Variants in PLCE1 observed in about 807,000 individuals in gnomAD.
PLCE1 encodes 1-phosphatidylinositol 4,5-bisphosphate phosphodiesterase epsilon-1.
Under a neutral mutation model 242.8 loss-of-function variants are expected in PLCE1, and 119 were observed. That is an observed-to-expected ratio of 0.49 (90% confidence interval 0.42 to 0.57). The LOEUF (loss-of-function observed/expected upper bound fraction) is 0.57, where lower values mean the gene tolerates loss of function less well. Among genes scored for constraint, PLCE1 ranks in the 20% least tolerant of loss-of-function variants. PLCE1 has a pLI of 0.00. For synonymous variants in PLCE1, 945 were observed against 1,017.4 expected, an observed-to-expected ratio of 0.93 and a Z score of 1.35; for missense variants, 2,441 against 2,788.8, an observed-to-expected ratio of 0.88 and a Z score of 2.81.
chr10:94,317,068 T>C (rs1001664703), intron 29 of PLCE1, among the ~76,000 whole-genome samples: 1 of 152,154 alleles, frequency 6.6e-6, no homozygotes, highest in Non-Finnish European at 1.5e-5. Flanking sequence ...CTGGCCAACA[T>C]GGCGAAACCC....
rs1017913000 is a variant in PLCE1, at chr10:94,328,921, T to C, written c.*978T>C. ...ATTTAATATCTACTGAATTGCAATG[T>C]CTTAACAAGAAACCTAACAATTTTT... is the stretch of plus-strand genomic sequence containing the variant. On this transcript the variant is annotated 3_prime_UTR_variant, in exon 33 of 33. Transcript: ENST00000371380. 6.6e-6 allele frequency: 1 copy of C among 152,210 alleles called. No homozygotes were observed. The highest frequency in any genetic ancestry group is 2.4e-5 in the African/African-American group (1 of 41,440). 9.4% of individuals were successfully genotyped at this position (152,210 alleles called of 1,614,324 possible).
At chr10:94,324,282 A>C in intron 30 of PLCE1, 67 bp from the exon 31 acceptor site, 1 of 1,277,174 alleles carries the variant, frequency 7.8e-7, no homozygotes, top group Non-Finnish European at 1.1e-6. Flanking sequence ...TTAAAGTTTC[A>C]TATAGAATGA....
In PLCE1 at chr10:94,328,600, A is replaced by G. The variant is rs2054114566; in HGVS notation, c.*657A>G. On this transcript the variant is annotated 3_prime_UTR_variant, in exon 33 of 33. Transcript: ENST00000371380. ...CACAAAGATCTGAAAACAGGAAAGG[A>G]AGTTTAGCCATACATTTTATGGCCG... The G allele has an allele frequency of 6.6e-6, 1 of 152,312 alleles. No homozygotes were observed. The highest frequency in any genetic ancestry group is 6.5e-5 in the Admixed American group (1 of 15,298). 9.4% of individuals were successfully genotyped at this position (152,312 alleles called of 1,614,324 possible). A position where few individuals can be genotyped will look rare whatever the true frequency, so the allele number is the denominator to read the frequency against.
intron 25 of PLCE1, among the ~76,000 whole-genome samples, chr10:94,305,545 A>T (rs2133625092): frequency 6.6e-6 from 1 of 152,226 alleles, no homozygotes; most frequent in East Asian, 1.9e-4. Context: ...GACACCCCCA[A>T]ACCCCTGGGA....
chr10:94,109,851 TG>T (rs2045887618), intron 2 of PLCE1, among the ~76,000 whole-genome samples: 3 of 150,692 alleles, frequency 2.0e-5, no homozygotes, highest in South Asian at 2.1e-4. Flanking sequence ...AGCTCTGGGA[TG>T]TTTTTTTTTT....
chr10:94,254,352 T>G, intron 10 of PLCE1, 45 bp downstream of exon 10: 1 of 1,331,298 alleles, frequency 7.5e-7, no homozygotes, highest in Non-Finnish European at 1.1e-6. Context: ...TTTTAATTTT[T>G]GTGGGAAAAA....
chr10:94,263,715 G>T lies in PLCE1; in HGVS notation c.4053+983G>T, dbSNP rs578176377. On this transcript the variant is annotated intron_variant, in intron 14 of 32. Coordinates refer to ENST00000371380, the MANE Select transcript of PLCE1 (RefSeq NM_016341.4). ...TCTCAAAAAAACAAACAAAAAACAA[G>T]TATGTAAGTGTTCTTCTTTAACATA... Among the ~76,000 whole-genome samples the T allele has an allele frequency of 5.9e-5, 9 of 151,860 alleles. No individual in the cohort carries two copies. The South Asian group carries it at 1.9e-3, about 32-fold the overall frequency.
At chr10:94,233,002 A>G (rs2050195693) in intron 5 of PLCE1, among the ~76,000 whole-genome samples, 1 of 152,224 alleles carries the variant, frequency 6.6e-6, no homozygotes, top group Non-Finnish European at 1.5e-5. Context: ...TCTCACAGAA[A>G]GGTGAGCTCT....
At chr10:94,238,395 G>C (rs1037404935) in intron 7 of PLCE1, among the ~76,000 whole-genome samples, 1 of 152,208 alleles carries the variant, frequency 6.6e-6, no homozygotes, top group Non-Finnish European at 1.5e-5. Flanking sequence ...AGCTGAAGTC[G>C]CTTGTCTGAC....
chr10:94,313,426 T>G (rs767194100), intron 28 of PLCE1, 44 bp downstream of exon 28: 3 of 1,607,874 alleles, frequency 1.9e-6, no homozygotes, highest in Non-Finnish European at 2.6e-6. Flanking sequence ...AAATCTAAGA[T>G]GTATGGATGT....
At chr10:94,227,242 T>C in intron 4 of PLCE1, 64 bp from the exon 5 acceptor site, 1 of 1,500,122 alleles carries the variant, frequency 6.7e-7, no homozygotes, top group East Asian at 2.3e-5. Context: ...AGAATGCTTT[T>C]GGAAAAAAAA....
rs975453016 is a variant in PLCE1 at position 94,259,055 on chromosome 10, A to G, written c.3719A>G (p.Tyr1240Cys). ...GACCTGAAGGATCTGTTTGATGTCT[A>G]TGCAGTGCCCTGCAACCGATCTGGC... ...RKDLKDLFDVYAVPCNRSGSE... is the reference protein window; with the variant it reads ...RKDLKDLFDVCAVPCNRSGSE... Residue 1240 changes from tyrosine (Y) to cysteine (C), a missense_variant, in exon 13 of 33, where the codon TAT becomes TGT. By Grantham distance (194) the Tyr-to-Cys change is radical. This residue lies in a region of PLCE1 where 1,004 missense variants were observed against 1,322.7 expected (regional missense o/e 0.76). Coordinates refer to ENST00000371380, the MANE Select transcript of PLCE1 (RefSeq NM_016341.4). 10 of 1,613,932 alleles carry G rather than the reference A, an allele frequency of 6.2e-6. No homozygotes were observed. The highest frequency in any genetic ancestry group is 1.1e-5 in the South Asian group (1 of 91,088).
intron 3 of PLCE1, among the ~76,000 whole-genome samples, chr10:94,152,720 A>G (rs926397857): frequency 2.0e-5 from 3 of 152,236 alleles, no homozygotes; most frequent in Non-Finnish European, 4.4e-5. Flanking sequence ...ATATGCTTAG[A>G]TAGCTAAGCA....
intron 3 of PLCE1, among the ~76,000 whole-genome samples, chr10:94,155,411 T>G (rs2047401115): frequency 6.6e-6 from 1 of 152,176 alleles, no homozygotes; most frequent in Admixed American, 6.5e-5. Context: ...TCCCATTATA[T>G]GAAATGTCCA....
intron 11 of PLCE1, among the ~76,000 whole-genome samples, chr10:94,255,954 T>TCC (rs2051075090): frequency 8.1e-6 from 1 of 122,866 alleles, no homozygotes; most frequent in Non-Finnish European, 1.8e-5. Flanking sequence ...TCTCTCTCTC[T>TCC]CTCCCCACCC....
chr10:94,163,573 T>C (rs2047690878), intron 3 of PLCE1, among the ~76,000 whole-genome samples: 1 of 152,140 alleles, frequency 6.6e-6, no homozygotes. Flanking sequence ...ATGGGTTTCC[T>C]GAATACAGCA....
At chr10:94,303,141 C>A (rs1352162537) in intron 24 of PLCE1, among the ~76,000 whole-genome samples, 1 of 152,226 alleles carries the variant, frequency 6.6e-6, no homozygotes, top group Non-Finnish European at 1.5e-5. Flanking sequence ...TACTGGCCAA[C>A]CCCACAGACA....
chr10:94,213,319 T>C (rs1166946950), intron 4 of PLCE1, among the ~76,000 whole-genome samples: 1 of 152,236 alleles, frequency 6.6e-6, no homozygotes, highest in Non-Finnish European at 1.5e-5. Context: ...AGAAAGATGA[T>C]GAAACAGCCA....
Position 94,331,356 on chromosome 10 carries a change from C to T in PLCE1, c.*3413C>T, listed in dbSNP as rs2054154074. On this transcript the variant is annotated 3_prime_UTR_variant, in exon 33 of 33. Coordinates refer to ENST00000371380, the MANE Select transcript of PLCE1 (RefSeq NM_016341.4). ...CCCCTTCCTTTCTTCTCTCCTCTTC[C>T]AATATCTCTATAGACTTCTGTCCTC... The T allele has an allele frequency of 6.6e-6, 1 of 152,192 alleles. No individual in the cohort carries two copies. The highest frequency in any genetic ancestry group is 2.4e-5 in the African/African-American group (1 of 41,428). The allele number at this position is 152,192 out of a possible 1,614,324, so 9.4% of individuals were successfully genotyped here.
Sources: gnomAD v4.1 joint callset for allele counts (sites outside exome capture counted in the v4.1 genomes callset) on GRCh38, gnomAD v4.1.1 for gene constraint, gnomAD v4.1.1 regional missense constraint, MANE v1.5 for transcripts, NCBI Gene and HGNC (gene_info 2026-07-23, HGNC 2026-07-21) for gene names.